ADORA2A: variants seen among roughly 807,000 people sequenced by gnomAD.
ADORA2A encodes the protein adenosine receptor A2a.
Under a neutral mutation model 18.4 loss-of-function variants are expected in ADORA2A, and 11 were observed. That is an observed-to-expected ratio of 0.60 (90% CI 0.38 to 0.99). The LOEUF (loss-of-function observed/expected upper bound fraction) is 0.99, where lower values mean the gene tolerates loss of function less well. ADORA2A is among the 50% of genes least tolerant of loss of function. ADORA2A has a pLI of 0.01. For missense variants in ADORA2A, 449 were observed against 556.1 expected (o/e 0.81, Z 1.94); for synonymous variants, 218 against 237.3 (o/e 0.92, Z 0.75).
At chr22:24,439,208 A>G (rs1413639357) in intron 2 of ADORA2A, 1 of 147,336 alleles carries the variant, frequency 6.8e-6, no homozygotes, top group Non-Finnish European at 1.5e-5. Flanking sequence ...CCTGTCTCCC[A>G]AGTAGCTGGG....
At chr22:24,426,446 T>G (rs2042919805), upstream of ADORA2A, among the ~76,000 whole-genome samples, 1 of 152,096 alleles carries the variant, frequency 6.6e-6, no homozygotes, top group Non-Finnish European at 1.5e-5. Context: ...GGAGCTGAGC[T>G]GGTGAATGGG....
Position 24,441,045 on chromosome 22 carries a change from CCCTCTCTGGCTCATGTACCTGGCCATCGT to C in ADORA2A, c.802_830del (p.Trp268ProfsTer53). The C allele has an allele frequency of 6.2e-7, 1 of 1,614,176 alleles. No individual in the cohort carries two copies. On this transcript the variant is annotated frameshift_variant, in exon 3 of 3. Coordinates refer to ENST00000337539, the MANE Select transcript of ADORA2A (RefSeq NM_000675.6). LOFTEE classifies it high-confidence loss of function. ...TCTTCTGCCCCGACTGCAGCCACGC[CCCTCTCTGGCTCATGTACCTGGCCATCGT>C]CCTCTCCCACACCAATTCGGTTGTG... is the stretch of plus-strand genomic sequence containing the variant.
At chr22:24,424,731 C>T (rs1445932049), upstream of ADORA2A, among the ~76,000 whole-genome samples, 1 of 152,152 alleles carries the variant, frequency 6.6e-6, no homozygotes, top group Non-Finnish European at 1.5e-5. This position sits in a 1 kb window ranked among gnomAD's most constrained non-coding sequence, Gnocchi z 4.9. Flanking sequence ...GGACTGGCCC[C>T]GGCCGTCTGT....
chr22:24,433,508 G>A lies in ADORA2A; in HGVS notation c.104G>A (p.Ser35Asn), dbSNP rs1441171313. The change falls in exon 2 of 3, where the codon AGC (serine) becomes AAC (asparagine). Residue 35 changes from serine to asparagine, a missense_variant. Physicochemically the swap from Ser to Asn is conservative, Grantham distance 46. Transcript: ENST00000337539. ...VLVCWAVWLN[S>N]NLQNVTNYFV... The stretch of plus-strand genomic sequence containing the variant: ...GTGTGCTGGGCCGTGTGGCTCAACA[G>A]CAACCTGCAGAACGTCACCAACTAC... 3 of 1,614,224 alleles carry A rather than the reference G, an allele frequency of 1.9e-6. 1 individual carries two copies. In the South Asian group the frequency reaches 3.3e-5, roughly 18 times the overall value.
At chr22:24,426,820 C>T (rs1188926323), upstream of ADORA2A, among the ~76,000 whole-genome samples, 1 of 152,186 alleles carries the variant, frequency 6.6e-6, no homozygotes, top group East Asian at 1.9e-4. Context: ...GGCATTTTCT[C>T]TGCTAGAATC....
upstream of ADORA2A, among the ~76,000 whole-genome samples, chr22:24,425,421 T>A (rs1408245966): frequency 3.7e-5 from 5 of 136,188 alleles, no homozygotes; most frequent in African/African-American, 1.3e-4. Context: ...TGTCAGTCCC[T>A]CCTTGTTCTG....
At chr22:24,426,638 G>A (rs2042921478), upstream of ADORA2A, among the ~76,000 whole-genome samples, 1 of 152,206 alleles carries the variant, frequency 6.6e-6, no homozygotes, top group African/African-American at 2.4e-5. Flanking sequence ...GCTCTGGGTG[G>A]TGGGAAGAGG....
chr22:24,435,131 A>C (rs2043141359), intron 2 of ADORA2A, among the ~76,000 whole-genome samples: 1 of 152,192 alleles, frequency 6.6e-6, no homozygotes, highest in Admixed American at 6.5e-5. Flanking sequence ...GAGAGTCTAG[A>C]ACCCTCGGCA....
At position 24,440,542 on chromosome 22, in the gene ADORA2A, C is replaced by T. The variant is rs115000790; in HGVS notation, c.333-41C>T. ...TTCTGAACTCTTGGCCCTGCTTAACCCTGGCTTCTCAGATCTCTGATGCTG... is the reference window on the plus strand; with the variant it reads ...TTCTGAACTCTTGGCCCTGCTTAACTCTGGCTTCTCAGATCTCTGATGCTG... On this transcript the variant is annotated intron_variant, in intron 2 of 2. Transcript: ENST00000337539. 1,690 of 1,524,762 alleles carry T rather than the reference C, an allele frequency of 1.1e-3. 14 individuals are homozygous for T. In the African/African-American group the frequency reaches 0.021, roughly 19 times the overall value. 94.5% of individuals were successfully genotyped at this position (1,524,762 alleles called of 1,614,324 possible).
In ADORA2A at chr22:24,428,976, TG is replaced by T. The variant is rs535309952; in HGVS notation, c.-275+1233del. Reference sequence around the variant, plus strand: ...AAAAGCAGCAGGAGGGTTCTAAGGCTGGGATTCTGGAGCCCAGGAACAGGCC... The same window carrying T: ...AAAAGCAGCAGGAGGGTTCTAAGGCTGGATTCTGGAGCCCAGGAACAGGCC... On this transcript the variant is annotated intron_variant, in intron 1 of 2. Coordinates refer to ENST00000337539, the MANE Select transcript of ADORA2A (RefSeq NM_000675.6). Among the ~76,000 whole-genome samples the T allele has an allele frequency of 2.2e-3, 338 of 152,334 alleles. 1 individual carries two copies. The highest frequency in any genetic ancestry group is 7.8e-3 in the African/African-American group (325 of 41,578).
intron 2 of ADORA2A, among the ~76,000 whole-genome samples, chr22:24,435,534 A>G (rs2043152793): frequency 6.6e-6 from 1 of 152,080 alleles, no homozygotes; most frequent in African/African-American, 2.4e-5. Context: ...GAGAGTTGAG[A>G]GAATGACTCC....
chr22:24,424,702 G>C (rs923991712), upstream of ADORA2A: 1 of 152,786 alleles, frequency 6.5e-6, no homozygotes, highest in Admixed American at 6.5e-5. This position sits in a 1 kb window ranked among gnomAD's most constrained non-coding sequence, Gnocchi z 4.9. Flanking sequence ...GGGGACGGAT[G>C]GGGGTGGGTG....
chr22:24,434,914 C>G (rs894981688), intron 2 of ADORA2A, among the ~76,000 whole-genome samples: 1 of 152,168 alleles, frequency 6.6e-6, no homozygotes, highest in African/African-American at 2.4e-5. Flanking sequence ...GGAGCTGGGG[C>G]GAGTCCTGGA....
intron 2 of ADORA2A, chr22:24,439,443 G>A (rs2043275398): frequency 6.6e-6 from 1 of 152,124 alleles, no homozygotes; most frequent in Admixed American, 6.5e-5. Context: ...GAGGGGCCCA[G>A]ATGTGGTGGG....
chr22:24,425,881 A>G (rs535156170), upstream of ADORA2A, among the ~76,000 whole-genome samples: 72 of 152,208 alleles, frequency 4.7e-4, no homozygotes, highest in Non-Finnish European at 9.1e-4. Context: ...TGATGATCTT[A>G]GCAATGCCTA....
chr22:24,430,858 G>A (rs973243697), intron 1 of ADORA2A: 8 of 343,060 alleles, frequency 2.3e-5, no homozygotes, highest in Admixed American at 1.2e-4. Context: ...GGGTAGAGGC[G>A]GCTCCTCAGT....
intron 1 of ADORA2A, among the ~76,000 whole-genome samples, chr22:24,429,017 C>T (rs1003457078): frequency 1.3e-5 from 2 of 152,234 alleles, no homozygotes; most frequent in African/African-American, 4.8e-5. Flanking sequence ...ATGGCTGGAG[C>T]GGGTCCGAGT....
intron 2 of ADORA2A, among the ~76,000 whole-genome samples, chr22:24,435,228 C>T (rs1357821322): frequency 6.6e-6 from 1 of 152,214 alleles, no homozygotes; most frequent in African/African-American, 2.4e-5. Context: ...AGCCTCCATC[C>T]ATTGCTCTGC....
chr22:24,441,249 G>C lies in ADORA2A; in HGVS notation c.999G>C (p.Gln333His). 2 of 1,613,572 alleles carry C rather than the reference G, an allele frequency of 1.2e-6. No homozygotes were observed. The highest frequency in any genetic ancestry group is 1.7e-6 in the Non-Finnish European group (2 of 1,179,984). The change falls in exon 3 of 3, where the codon CAG becomes CAC. Residue 333 changes from glutamine to histidine, a missense_variant. Coordinates refer to ENST00000337539, the MANE Select transcript of ADORA2A (RefSeq NM_000675.6). ...VLAAHGSDGE[Q>H]VSLRLNGHPP... ...CAGCTCATGGCAGTGACGGAGAGCA[G>C]GTCAGCCTCCGTCTCAACGGCCACC...
Sources: allele counts gnomAD v4.1 joint callset (sites outside exome capture counted in the v4.1 genomes callset), GRCh38; gene constraint gnomAD v4.1.1; non-coding constraint Gnocchi (gnomAD v3.1); transcripts MANE v1.5; gene names NCBI Gene and HGNC (gene_info 2026-07-23, HGNC 2026-07-21).